Variants in CMIP observed in about 807,000 individuals in gnomAD.
CMIP encodes C-Maf-inducing protein.
In CMIP, 13 loss-of-function variants were observed where a neutral mutation model predicts 97.3. The ratio of observed to expected loss-of-function variants is 0.13; its 90% CI spans 0.09 to 0.21. CMIP has a LOEUF of 0.21. Among genes scored for constraint, CMIP ranks in the 10% least tolerant of loss-of-function variants. The pLI is 1.00. For missense variants in CMIP, 847 were observed against 1,024.9 expected (o/e 0.83, Z 2.37); for synonymous variants, 538 against 436.3 (o/e 1.23, Z -2.91).
intron 1 of CMIP, among the ~76,000 whole-genome samples, chr16:81,490,544 C>CGAGAGG (rs1180230530): frequency 6.6e-6 from 1 of 152,096 alleles, no homozygotes; most frequent in Non-Finnish European, 1.5e-5. Context: ...TGCTTGAACC[C>CGAGAGG]GAGAGGTGGA....
intron 1 of CMIP, among the ~76,000 whole-genome samples, chr16:81,467,544 C>G (rs1218924722): frequency 1.3e-5 from 2 of 151,888 alleles, no homozygotes; most frequent in Non-Finnish European, 2.9e-5. Flanking sequence ...TTTTCCTGGC[C>G]TCTTCTCTTT....
intron 1 of CMIP, among the ~76,000 whole-genome samples, chr16:81,500,842 C>G (rs926533817): frequency 2.0e-5 from 3 of 150,770 alleles, no homozygotes; most frequent in African/African-American, 7.3e-5. Flanking sequence ...TCCCTCCCTT[C>G]CTTCTTTCTT....
At chr16:81,691,693 T>A in intron 10 of CMIP, 82 bp from the exon 11 acceptor site, 1 of 1,115,948 alleles carries the variant, frequency 9.0e-7, no homozygotes, top group Non-Finnish European at 1.4e-6. Context: ...CACCCCATCT[T>A]TTGGCCCATC....
At chr16:81,495,346 A>C in intron 1 of CMIP, 1 of 1,478,330 alleles carries the variant, frequency 6.8e-7, no homozygotes, top group Non-Finnish European at 9.0e-7. Flanking sequence ...CAGGCGACCC[A>C]CAGGCTTCTT....
chr16:81,491,141 C>T (rs970239804), intron 1 of CMIP, among the ~76,000 whole-genome samples: 14 of 152,122 alleles, frequency 9.2e-5, no homozygotes, highest in Admixed American at 8.5e-4. Context: ...TGGCCATTAC[C>T]CTTGCAGGCA....
At chr16:81,609,286 A>G (rs1222080334) in intron 2 of CMIP, among the ~76,000 whole-genome samples, 1 of 147,962 alleles carries the variant, frequency 6.8e-6, no homozygotes, top group Non-Finnish European at 1.5e-5. Context: ...CACTTCTGCC[A>G]GCTCCTCTGC....
Position 81,678,339 on chromosome 16 carries a change from C to T in CMIP, c.1099C>T (p.Pro367Ser), listed in dbSNP as rs1314730086. Reference protein sequence around the residue: ...NGCQQPCDRKPTLPLRLLHPS... With the variant: ...NGCQQPCDRKSTLPLRLLHPS... Reference sequence around the variant, plus strand: ...CTGCCAGCAGCCGTGCGACCGGAAGCCCACTTTACCTCTGCGCCTTCTGCA... The same window carrying T: ...CTGCCAGCAGCCGTGCGACCGGAAGTCCACTTTACCTCTGCGCCTTCTGCA... Residue 367 changes from proline to serine, a missense_variant, in exon 10 of 21, where the codon CCC (proline) becomes TCC (serine). By Grantham distance (74) the Pro-to-Ser change is moderately conservative. Around this residue, in one of 4 missense-constraint regions of CMIP, gnomAD observed 202 missense variants for 168.7 expected, o/e 1.20. Coordinates refer to ENST00000537098, the MANE Select transcript of CMIP (RefSeq NM_198390.3). The T allele has an allele frequency of 2.5e-6, 4 of 1,611,330 alleles. No individual in the cohort carries two copies. Among genetic ancestry groups the T allele is most frequent in the East Asian group, 4.5e-5 (2 of 44,828 alleles).
intron 1 of CMIP, among the ~76,000 whole-genome samples, chr16:81,529,852 C>T (rs72829008): frequency 0.058 from 8,833 of 152,282 alleles, 336 homozygotes; most frequent in South Asian, 0.11. Context: ...GCCCTGCCCA[C>T]ACCTTGATTT....
intron 7 of CMIP, chr16:81,667,405 A>G (rs1428411569): frequency 6.6e-6 from 1 of 152,224 alleles, no homozygotes; most frequent in East Asian, 1.9e-4. Context: ...AAAGGAGGCG[A>G]GAAGACACGG....
intron 1 of CMIP, among the ~76,000 whole-genome samples, chr16:81,530,949 G>A (rs763139519): frequency 6.6e-6 from 1 of 152,192 alleles, no homozygotes; most frequent in Admixed American, 6.5e-5. Context: ...ACTGTCGAAC[G>A]TAGCCACCAG....
chr16:81,647,700 A>G (rs2150999022), intron 3 of CMIP, among the ~76,000 whole-genome samples: 1 of 152,182 alleles, frequency 6.6e-6, no homozygotes, highest in Admixed American at 6.5e-5. Context: ...AGGCGTCCCT[A>G]TCCCAGCTCC....
At chr16:81,620,211 G>A (rs1417858475) in intron 2 of CMIP, 1 of 152,278 alleles carries the variant, frequency 6.6e-6, no homozygotes, top group African/African-American at 2.4e-5. Flanking sequence ...GTGGGGTGGA[G>A]CTGAGAAGGT....
At chr16:81,451,292 C>G (rs183560162) in intron 1 of CMIP, among the ~76,000 whole-genome samples, 2 of 152,278 alleles carry the variant, frequency 1.3e-5, no homozygotes, top group Admixed American at 6.5e-5. Context: ...ACCCGTTTCG[C>G]CTAGCTCTTT....
In CMIP at chr16:81,468,528, T is replaced by C. The variant is rs190019616; in HGVS notation, c.300+22987T>C. Among the ~76,000 whole-genome samples the C allele has an allele frequency of 2.2e-3, 341 of 152,388 alleles. 2 individuals are homozygous for C. The highest frequency in any genetic ancestry group is 7.9e-3 in the African/African-American group (328 of 41,598). ...GGGCCTGCGCGTGCCGTGCCCTCTG[T>C]GCTTTCAGAGTGTTCTCTCATTCAG... On this transcript the variant is annotated intron_variant, in intron 1 of 20. Transcript: ENST00000537098.
In CMIP at chr16:81,452,395, G is replaced by GCAGTTAAGT. The variant is rs1469313772; in HGVS notation, c.300+6855_300+6863dup. On this transcript the variant is annotated intron_variant, in intron 1 of 20. Coordinates refer to ENST00000537098, the MANE Select transcript of CMIP (RefSeq NM_198390.3). ...GGCGGTGCTTTCATGCCTCCATTCA[G>GCAGTTAAGT]CAGTTAAGTGTCACCGTTCTAGGCA... 6.6e-5 allele frequency among the ~76,000 whole-genome samples: 10 copies of GCAGTTAAGT among 152,176 alleles called. No individual in the cohort carries two copies. The East Asian group carries it at 1.9e-3, about 29-fold the overall frequency.
chr16:81,469,758 G>A (rs1248270372), intron 1 of CMIP, among the ~76,000 whole-genome samples: 4 of 152,188 alleles, frequency 2.6e-5, no homozygotes, highest in Non-Finnish European at 2.9e-5. Context: ...TTCTGATTAC[G>A]TTAGTTAAAC....
intron 13 of CMIP, 101 bp from the exon 14 acceptor site, chr16:81,696,459 A>G (rs534156375): frequency 2.6e-6 from 3 of 1,169,236 alleles, no homozygotes; most frequent in South Asian, 1.3e-5. Context: ...TCTTGACTGC[A>G]GGACTTGCCT....
At chr16:81,704,500 C>G (rs1031861240) in intron 18 of CMIP, among the ~76,000 whole-genome samples, 102 of 2,954 alleles carry the variant, frequency 0.035, 2 homozygotes, top group Non-Finnish European at 0.044. Flanking sequence ...TCCCTGCCCC[C>G]TCACCCTCCT....
chr16:81,556,020 G>A (rs2090755890), intron 1 of CMIP, among the ~76,000 whole-genome samples: 1 of 152,164 alleles, frequency 6.6e-6, no homozygotes, highest in African/African-American at 2.4e-5. Context: ...GTCCAGTCCT[G>A]GCCAAACAGA....
Sources: gnomAD v4.1 joint callset for allele counts (sites outside exome capture counted in the v4.1 genomes callset) on GRCh38, gnomAD v4.1.1 for gene constraint, gnomAD v4.1.1 regional missense constraint, MANE v1.5 for transcripts, NCBI Gene and HGNC (gene_info 2026-07-23, HGNC 2026-07-21) for gene names.